The following ADARB2 variants were observed in gnomAD, a reference collection of about 807,000 sequenced individuals.
The protein encoded by ADARB2 is adenosine deaminase RNA specific B2 (inactive), also known as inactive double-stranded RNA-specific editase B2.
A neutral mutation model predicts 62.2 loss-of-function variants in ADARB2; 25 were observed. The observed-to-expected ratio is 0.40, with a 90% CI of 0.29 to 0.56. The LOEUF is 0.56. Among genes scored for constraint, ADARB2 ranks in the 20% least tolerant of loss-of-function variants. ADARB2 has a pLI of 0.43. For synonymous variants in ADARB2, 572 were observed against 500.8 expected, an observed-to-expected ratio of 1.14 and a Z score of -1.90; for missense variants, 1,071 against 1,077.4, an observed-to-expected ratio of 0.99 and a Z score of 0.08.
At chr10:1,318,955 G>A (rs1043986789) in intron 3 of ADARB2, among the ~76,000 whole-genome samples, 4 of 152,208 alleles carry the variant, frequency 2.6e-5, no homozygotes, top group Non-Finnish European at 4.4e-5. Flanking sequence ...AATGTGGCCA[G>A]CGGCCTTAAT....
Position 1,495,412 on chromosome 10 carries a change from T to C in ADARB2, c.101-116252A>G, listed in dbSNP as rs189410996. ...AAAAGGAGATCTCATAAGTTCTGAA[T>C]TTAATAAAAAATATCATAGAGGTTA... On this transcript the variant is annotated intron_variant, in intron 1 of 9. Transcript: ENST00000381312. 1.3e-4 allele frequency among the ~76,000 whole-genome samples: 20 copies of C among 152,346 alleles called. No individual in the cohort carries two copies. The East Asian group carries it at 3.3e-3, about 25-fold the overall frequency.
At chr10:1,185,875 A>C (rs1836750922) in intron 8 of ADARB2, among the ~76,000 whole-genome samples, 1 of 152,190 alleles carries the variant, frequency 6.6e-6, no homozygotes, top group Non-Finnish European at 1.5e-5. Flanking sequence ...GTGGATGAGG[A>C]GGTCTCCACT....
Position 1,212,610 on chromosome 10 carries a change from C to T in ADARB2, c.1682+4341G>A, listed in dbSNP as rs563806397. Among the ~76,000 whole-genome samples the T allele has an allele frequency of 2.6e-5, 4 of 152,356 alleles. No homozygotes were observed. In the East Asian group the frequency reaches 7.7e-4, roughly 29 times the overall value. ...CCCGAGGGCCACTGAGTGCACCCCACAGTGGCAGGCACCCTGCAACCAAGT... is the reference window on the plus strand; with the variant it reads ...CCCGAGGGCCACTGAGTGCACCCCATAGTGGCAGGCACCCTGCAACCAAGT... On this transcript the variant is annotated intron_variant, in intron 7 of 9. Coordinates refer to ENST00000381312, the MANE Select transcript of ADARB2 (RefSeq NM_018702.4).
At chr10:1,696,208 T>C (rs1834743307) in intron 1 of ADARB2, among the ~76,000 whole-genome samples, 1 of 152,212 alleles carries the variant, frequency 6.6e-6, no homozygotes, top group Non-Finnish European at 1.5e-5. Context: ...CACGTTTATA[T>C]GCCTGTGTAT....
At chr10:1,270,649 C>T (rs1427903276) in intron 4 of ADARB2, among the ~76,000 whole-genome samples, 1 of 152,110 alleles carries the variant, frequency 6.6e-6, no homozygotes. Context: ...GGTTACACCC[C>T]AACCAGAGGA....
At chr10:1,706,926 T>C (rs191237447) in intron 1 of ADARB2, among the ~76,000 whole-genome samples, 28 of 152,242 alleles carry the variant, frequency 1.8e-4, no homozygotes, top group Admixed American at 1.0e-3. Flanking sequence ...TAGGGTTTCA[T>C]TGGGCAGGAA....
intron 1 of ADARB2, among the ~76,000 whole-genome samples, chr10:1,667,608 A>T (rs538343725): frequency 6.6e-6 from 1 of 152,326 alleles, no homozygotes; most frequent in South Asian, 2.1e-4. Flanking sequence ...AGGGGTGTTT[A>T]CCATAATTGG....
At chr10:1,443,576 A>T (rs1418330069) in intron 1 of ADARB2, among the ~76,000 whole-genome samples, 1 of 152,142 alleles carries the variant, frequency 6.6e-6, no homozygotes, top group Non-Finnish European at 1.5e-5. Flanking sequence ...ACAATGAAAA[A>T]TTCAACACCT....
chr10:1,316,175 C>T (rs1324803034), intron 3 of ADARB2, among the ~76,000 whole-genome samples: 1 of 152,222 alleles, frequency 6.6e-6, no homozygotes, highest in East Asian at 1.9e-4. Flanking sequence ...CAGAGATGCT[C>T]CCACTTGCCG....
intron 2 of ADARB2, among the ~76,000 whole-genome samples, chr10:1,368,324 C>T (rs907437823): frequency 2.1e-4 from 32 of 152,126 alleles, no homozygotes; most frequent in African/African-American, 6.5e-4. Flanking sequence ...GAGAGTCGGC[C>T]GTGAGGGAAC....
chr10:1,346,387 T>C (rs1564264042), intron 3 of ADARB2, among the ~76,000 whole-genome samples: 1 of 152,190 alleles, frequency 6.6e-6, no homozygotes, highest in Non-Finnish European at 1.5e-5. Flanking sequence ...TTGTGGGTGC[T>C]GTGAACACAG....
At chr10:1,679,629 G>A (rs1264620094) in intron 1 of ADARB2, among the ~76,000 whole-genome samples, 2 of 152,130 alleles carry the variant, frequency 1.3e-5, no homozygotes, top group African/African-American at 4.8e-5. Flanking sequence ...GCCATGGTGG[G>A]AAGAGCTCCA....
chr10:1,710,294 T>C (rs1834935040), intron 1 of ADARB2, among the ~76,000 whole-genome samples: 1 of 152,212 alleles, frequency 6.6e-6, no homozygotes, highest in Non-Finnish European at 1.5e-5. Flanking sequence ...TCCCAAGCAT[T>C]GGAACTGTCC....
intron 1 of ADARB2, among the ~76,000 whole-genome samples, chr10:1,436,427 G>T (rs1223842826): frequency 6.6e-6 from 1 of 152,102 alleles, no homozygotes; most frequent in Non-Finnish European, 1.5e-5. Context: ...CAGTTTGAAA[G>T]GTAATTATGC....
chr10:1,247,064 G>T (rs1224790986), intron 4 of ADARB2, among the ~76,000 whole-genome samples: 1 of 152,106 alleles, frequency 6.6e-6, no homozygotes, highest in Non-Finnish European at 1.5e-5. Flanking sequence ...TTGTAAGTTG[G>T]ATTCCTAGGT....
intron 1 of ADARB2, among the ~76,000 whole-genome samples, chr10:1,706,864 G>T (rs1021694281): frequency 2.0e-4 from 27 of 137,114 alleles, no homozygotes; most frequent in African/African-American, 7.1e-4. Flanking sequence ...AACCTCTCCA[G>T]GGACACCAGA....
chr10:1,667,177 G>A (rs1834326438), intron 1 of ADARB2, among the ~76,000 whole-genome samples: 1 of 152,196 alleles, frequency 6.6e-6, no homozygotes, highest in African/African-American at 2.4e-5. Flanking sequence ...GAAAAGCTGA[G>A]AATGATGAAT....
intron 1 of ADARB2, among the ~76,000 whole-genome samples, chr10:1,682,677 C>T (rs1203920683): frequency 1.3e-5 from 2 of 152,336 alleles, no homozygotes; most frequent in Middle Eastern, 3.4e-3. Context: ...TCACAGCCTC[C>T]GTTAGCAAGA....
At chr10:1,683,521 GGGGTCCGAAGCA>G (rs1834564980) in intron 1 of ADARB2, among the ~76,000 whole-genome samples, 1 of 152,214 alleles carries the variant, frequency 6.6e-6, no homozygotes, top group African/African-American at 2.4e-5. Context: ...ACAGGGTCAA[GGGGTCCGAAGCA>G]GGGAGTGGAG....
Sources: allele counts gnomAD v4.1 joint callset (sites outside exome capture counted in the v4.1 genomes callset), GRCh38; gene constraint gnomAD v4.1.1; transcripts MANE v1.5; gene names NCBI Gene and HGNC (gene_info 2026-07-23, HGNC 2026-07-21).